Variants in PDZD2 observed in about 807,000 individuals in gnomAD.
The protein encoded by PDZD2 is PDZ domain containing 2.
A neutral mutation model predicts 220.7 loss-of-function variants in PDZD2; 90 were observed. The ratio of observed to expected loss-of-function variants is 0.41; its 90% CI spans 0.34 to 0.49. The LOEUF (loss-of-function observed/expected upper bound fraction) is 0.49. Ranked by LOEUF, PDZD2 falls within the 20% of genes least tolerant of loss-of-function variation. The pLI, the probability that PDZD2 is intolerant of heterozygous loss-of-function variation, is 0.28. For synonymous variants in PDZD2, 1,375 were observed against 1,450.5 expected (o/e 0.95, Z 1.18); for missense variants, 3,174 against 3,608.5 (o/e 0.88, Z 3.08).
chr5:31,721,310 G>A (rs1748775227), intron 1 of PDZD2, among the ~76,000 whole-genome samples: 1 of 152,158 alleles, frequency 6.6e-6, no homozygotes, highest in Non-Finnish European at 1.5e-5. Context: ...ATAGATTGGA[G>A]AGAACCCGTG....
At chr5:32,007,265 A>C (rs2112059302) in intron 5 of PDZD2, among the ~76,000 whole-genome samples, 1 of 151,776 alleles carries the variant, frequency 6.6e-6, no homozygotes, top group South Asian at 2.1e-4. Context: ...CACCCGCCAC[A>C]GCCTCCCAAA....
chr5:31,766,158 C>T (rs1294264793), intron 1 of PDZD2, among the ~76,000 whole-genome samples: 1 of 152,162 alleles, frequency 6.6e-6, no homozygotes, highest in Non-Finnish European at 1.5e-5. Context: ...CCAGCCTAGG[C>T]AACAGAGTGA....
intron 1 of PDZD2, chr5:31,748,001 G>C (rs1014463399): frequency 9.9e-5 from 15 of 152,194 alleles, no homozygotes; most frequent in African/African-American, 3.1e-4. Flanking sequence ...TCATTCCTTA[G>C]ATTACCATGA....
At chr5:31,836,623 A>G (rs925089985) in intron 2 of PDZD2, among the ~76,000 whole-genome samples, 3 of 152,280 alleles carry the variant, frequency 2.0e-5, no homozygotes, top group Non-Finnish European at 4.4e-5. Context: ...CCTAGAGATG[A>G]TGCTCTAATG....
At chr5:31,687,007 C>T (rs1240880543) in intron 1 of PDZD2, among the ~76,000 whole-genome samples, 1 of 152,118 alleles carries the variant, frequency 6.6e-6, no homozygotes, top group Non-Finnish European at 1.5e-5. Context: ...CTAAAGAGGA[C>T]CCCAACGAGG....
chr5:31,843,007 G>T (rs559402059), intron 2 of PDZD2, among the ~76,000 whole-genome samples: 1 of 151,298 alleles, frequency 6.6e-6, no homozygotes, highest in South Asian at 2.1e-4. Context: ...TCAGCCTCCC[G>T]AGTAGCTGCG....
At chr5:31,645,333 CTTTTTTTTTTTTT>C (rs1226259458) in intron 1 of PDZD2, among the ~76,000 whole-genome samples, 1 of 122,830 alleles carries the variant, frequency 8.1e-6, no homozygotes, top group African/African-American at 3.3e-5. Flanking sequence ...CTCTTGGTCT[CTTTTTTTTTTTTT>C]TTTTTTTTGA....
intron 10 of PDZD2, among the ~76,000 whole-genome samples, chr5:32,056,112 A>T (rs1335665129): frequency 6.6e-6 from 1 of 152,226 alleles, no homozygotes; most frequent in Non-Finnish European, 1.5e-5. Flanking sequence ...TAAGAGTGCG[A>T]GTAATCATTT....
intron 2 of PDZD2, among the ~76,000 whole-genome samples, chr5:31,929,948 T>TAAGTGA (rs1371810053): frequency 3.3e-5 from 5 of 152,136 alleles, no homozygotes; most frequent in Non-Finnish European, 7.4e-5. Context: ...CCTTTGGTGA[T>TAAGTGA]AAGTGAGTTC....
chr5:32,063,037 T>TATTATTATC (rs1554035824), intron 14 of PDZD2, among the ~76,000 whole-genome samples: 1 of 148,258 alleles, frequency 6.7e-6, no homozygotes, highest in Non-Finnish European at 1.5e-5. Flanking sequence ...ATATTATTAT[T>TATTATTATC]ATTATTATTA....
intron 24 of PDZD2, 69 bp downstream of exon 24, chr5:32,101,308 AAAT>A (rs1744238830): frequency 7.2e-7 from 1 of 1,393,732 alleles, no homozygotes; most frequent in African/African-American, 1.4e-5. Context: ...TCAATGAAAA[AAAT>A]GCCTTCCATT....
At chr5:31,997,373 C>T (rs1400557711) in intron 4 of PDZD2, among the ~76,000 whole-genome samples, 2 of 152,190 alleles carry the variant, frequency 1.3e-5, no homozygotes, top group African/African-American at 4.8e-5. Flanking sequence ...GTCTTTTATG[C>T]TCATCAGTTC....
At chr5:31,641,149 T>C (rs988527281) in intron 1 of PDZD2, among the ~76,000 whole-genome samples, 2 of 152,204 alleles carry the variant, frequency 1.3e-5, no homozygotes, top group Non-Finnish European at 2.9e-5. Flanking sequence ...TTCCAGGATA[T>C]GCTTAGATGA....
chr5:31,993,703 A>G (rs1271110688), intron 3 of PDZD2, among the ~76,000 whole-genome samples: 2 of 152,134 alleles, frequency 1.3e-5, no homozygotes, highest in Admixed American at 6.6e-5. Flanking sequence ...CATATATCAT[A>G]TGTCATTTGT....
chr5:31,969,421 A>G (rs1442983914), intron 2 of PDZD2, among the ~76,000 whole-genome samples: 1 of 143,140 alleles, frequency 7.0e-6, no homozygotes, highest in Non-Finnish European at 1.5e-5. Flanking sequence ...AGGTGGGGGA[A>G]TGGCTTGAGC....
intron 2 of PDZD2, among the ~76,000 whole-genome samples, chr5:31,873,298 G>A (rs1404096043): frequency 6.6e-6 from 1 of 151,974 alleles, no homozygotes; most frequent in Non-Finnish European, 1.5e-5. Context: ...GCTGGGCATG[G>A]TAGCATGTGC....
intron 1 of PDZD2, among the ~76,000 whole-genome samples, chr5:31,729,713 T>A (rs755153122): frequency 1.3e-5 from 2 of 152,264 alleles, no homozygotes; most frequent in African/African-American, 4.8e-5. Flanking sequence ...GTTTATGATA[T>A]ACATGACTTT....
At chr5:31,825,927 G>A (rs1397396638) in intron 2 of PDZD2, among the ~76,000 whole-genome samples, 1 of 105,844 alleles carries the variant, frequency 9.4e-6, no homozygotes, top group Non-Finnish European at 1.9e-5. Context: ...CAGGTGTCAA[G>A]CAAAAGGAAA....
chr5:31,871,180 GTA>G lies in PDZD2; in HGVS notation c.476+71458_476+71459del, dbSNP rs545847840. Among the ~76,000 whole-genome samples, 3 of 152,198 alleles carry G rather than the reference GTA, an allele frequency of 2.0e-5. No homozygotes were observed. In the South Asian group the frequency reaches 6.2e-4, roughly 32 times the overall value. On this transcript the variant is annotated intron_variant, in intron 2 of 24. Coordinates refer to ENST00000438447, the MANE Select transcript of PDZD2 (RefSeq NM_178140.4). ...ACTCTTAATACCTTAGATCTTAAGT[GTA>G]TCATATTTTAATATTGTAAATGGGA...
Sources: gnomAD v4.1 joint callset for allele counts (sites outside exome capture counted in the v4.1 genomes callset) on GRCh38, gnomAD v4.1.1 for gene constraint, MANE v1.5 for transcripts, NCBI Gene and HGNC (gene_info 2026-07-23, HGNC 2026-07-21) for gene names.